VAT1L: variants seen among roughly 807,000 people sequenced by gnomAD.
VAT1L encodes vesicle amine transport 1 like.
Under a neutral mutation model 44.1 loss-of-function variants are expected in VAT1L, and 34 were observed. That is an observed-to-expected ratio of 0.77 (90% CI 0.59 to 1.03). The LOEUF (loss-of-function observed/expected upper bound fraction) is 1.03, where lower values mean the gene tolerates loss of function less well. Among genes scored for constraint, VAT1L ranks in the 50% least tolerant of loss-of-function variants. The pLI, the probability that VAT1L is intolerant of heterozygous loss-of-function variation, is 0.00. For missense variants in VAT1L, 615 were observed against 538.8 expected (o/e 1.14, Z -1.40); for synonymous variants, 253 against 202.2 (o/e 1.25, Z -2.13).
chr16:77,866,656 A>G (rs961884786), intron 4 of VAT1L, among the ~76,000 whole-genome samples: 2 of 152,084 alleles, frequency 1.3e-5, no homozygotes, highest in Non-Finnish European at 2.9e-5. Context: ...AAACTCTTTT[A>G]TAAGCCAGTC....
chr16:77,863,567 T>C (rs924697690), intron 4 of VAT1L, among the ~76,000 whole-genome samples: 3 of 151,874 alleles, frequency 2.0e-5, no homozygotes, highest in African/African-American at 7.3e-5. Context: ...CTCTGAACAG[T>C]GAAGCATGAG....
intron 1 of VAT1L, among the ~76,000 whole-genome samples, chr16:77,793,718 C>T (rs192497560): frequency 2.0e-5 from 3 of 152,244 alleles, no homozygotes; most frequent in South Asian, 4.1e-4. Flanking sequence ...TGGAAAGACA[C>T]CAAGTGGATG....
intron 7 of VAT1L, among the ~76,000 whole-genome samples, chr16:77,965,609 GGCCAGCCACGCA>G (rs1184211315): frequency 1.3e-5 from 2 of 152,120 alleles, no homozygotes; most frequent in Non-Finnish European, 2.9e-5. Context: ...GACCAGATAT[GGCCAGCCACGCA>G]GCTGGCCGTG....
intron 2 of VAT1L, among the ~76,000 whole-genome samples, chr16:77,823,549 G>T (rs929645610): frequency 6.6e-6 from 1 of 152,126 alleles, no homozygotes; most frequent in African/African-American, 2.4e-5. Flanking sequence ...GCTTCACTCT[G>T]TATGTCATTA....
intron 7 of VAT1L, among the ~76,000 whole-genome samples, chr16:77,942,403 G>T (rs1212116925): frequency 1.3e-5 from 2 of 151,982 alleles, no homozygotes; most frequent in African/African-American, 4.8e-5. Flanking sequence ...GATTTGGGTG[G>T]GGACACAGCC....
At chr16:77,809,454 T>C (rs2016225389) in intron 1 of VAT1L, among the ~76,000 whole-genome samples, 1 of 76,188 alleles carries the variant, frequency 1.3e-5, no homozygotes, top group African/African-American at 3.9e-5. Flanking sequence ...CCATTCTTTT[T>C]TGATCTTTTT....
intron 7 of VAT1L, among the ~76,000 whole-genome samples, chr16:77,906,801 G>C (rs937112413): frequency 5.9e-5 from 9 of 152,302 alleles, no homozygotes; most frequent in Non-Finnish European, 8.8e-5. Context: ...GGGTGAAGCA[G>C]AGCTAAAGGC....
At chr16:77,811,260 A>G (rs1167258174) in intron 1 of VAT1L, among the ~76,000 whole-genome samples, 2 of 152,226 alleles carry the variant, frequency 1.3e-5, no homozygotes, top group African/African-American at 4.8e-5. Context: ...GAGCATCTCC[A>G]TGCTACATGT....
At chr16:77,824,261 A>G (rs957120285) in intron 2 of VAT1L, among the ~76,000 whole-genome samples, 6 of 152,122 alleles carry the variant, frequency 3.9e-5, no homozygotes, top group Non-Finnish European at 8.8e-5. Context: ...CACCTAAATA[A>G]TGTTCAGAGT....
At chr16:77,939,699 C>T (rs187372693) in intron 7 of VAT1L, among the ~76,000 whole-genome samples, 4 of 152,268 alleles carry the variant, frequency 2.6e-5, no homozygotes, top group African/African-American at 9.6e-5. Context: ...ATAAAATAGA[C>T]AGTAGTGACT....
chr16:77,831,982 A>ATTTTTTTTTTTT (rs151275500), intron 3 of VAT1L, among the ~76,000 whole-genome samples: 20 of 125,970 alleles, frequency 1.6e-4, no homozygotes, highest in African/African-American at 1.8e-4. Flanking sequence ...TGCCCGGCTA[A>ATTTTTTTTTTTT]TTTTTTTTTT....
At chr16:77,973,758 C>T (rs539440227) in intron 8 of VAT1L, among the ~76,000 whole-genome samples, 7 of 151,904 alleles carry the variant, frequency 4.6e-5, no homozygotes, top group Admixed American at 3.3e-4. Context: ...TGGGGTCTCG[C>T]TCTGTCGCCC....
chr16:77,841,145 A>G (rs190490394), intron 3 of VAT1L, among the ~76,000 whole-genome samples: 3 of 152,300 alleles, frequency 2.0e-5, no homozygotes, highest in Admixed American at 6.5e-5. Context: ...CAGTAGTGCA[A>G]TCGGGGCTCA....
intron 6 of VAT1L, among the ~76,000 whole-genome samples, chr16:77,880,277 C>T (rs2017136618): frequency 6.6e-6 from 1 of 152,070 alleles, no homozygotes; most frequent in Admixed American, 6.6e-5. Context: ...CTGCTTCAGC[C>T]TCCCAAGTAG....
At chr16:77,836,330 T>A (rs2016638638) in intron 3 of VAT1L, among the ~76,000 whole-genome samples, 1 of 152,020 alleles carries the variant, frequency 6.6e-6, no homozygotes, top group Non-Finnish European at 1.5e-5. Context: ...GAGATTTCAC[T>A]ATGGCCAGAT....
At chr16:77,915,377 A>C (rs995572357) in intron 7 of VAT1L, among the ~76,000 whole-genome samples, 1 of 152,250 alleles carries the variant, frequency 6.6e-6, no homozygotes, top group African/African-American at 2.4e-5. Context: ...TTAAACATTT[A>C]TCTGCACACC....
intron 3 of VAT1L, among the ~76,000 whole-genome samples, chr16:77,845,291 T>C (rs435084): frequency 5.4e-4 from 82 of 152,168 alleles, no homozygotes; most frequent in Non-Finnish European, 1.0e-3. Context: ...CCTGAGTTAA[T>C]GCCACAGGCG....
At chr16:77,958,871 C>A (rs2018132733) in intron 7 of VAT1L, among the ~76,000 whole-genome samples, 1 of 152,224 alleles carries the variant, frequency 6.6e-6, no homozygotes, top group African/African-American at 2.4e-5. Flanking sequence ...TACTAATAGC[C>A]CCTTTAAAAA....
intron 7 of VAT1L, among the ~76,000 whole-genome samples, chr16:77,937,824 A>C (rs1158569294): frequency 1.3e-5 from 2 of 152,208 alleles, no homozygotes; most frequent in Non-Finnish European, 2.9e-5. Context: ...CCTGAGCCTT[A>C]AACTCACAGT....
Sources: gnomAD v4.1 joint callset for allele counts (sites outside exome capture counted in the v4.1 genomes callset) on GRCh38, gnomAD v4.1.1 for gene constraint, MANE v1.5 for transcripts, NCBI Gene and HGNC (gene_info 2026-07-23, HGNC 2026-07-21) for gene names.